CNTN5: variants seen among roughly 807,000 people sequenced by gnomAD.
CNTN5 encodes contactin-5.
In CNTN5, 77 loss-of-function variants were observed where a neutral mutation model predicts 129.1. That is an observed-to-expected ratio of 0.60 (90% CI 0.50 to 0.72). The LOEUF is 0.72. Ranked by LOEUF, CNTN5 falls within the 30% of genes least tolerant of loss-of-function variation. The pLI, the probability that CNTN5 is intolerant of heterozygous loss-of-function variation, is 0.00. For synonymous variants in CNTN5, 509 were observed against 465.6 expected (o/e 1.09, Z -1.20); for missense variants, 1,478 against 1,328.8 (o/e 1.11, Z -1.75).
At chr11:99,659,764 C>T (rs904318662) in intron 3 of CNTN5, among the ~76,000 whole-genome samples, 2 of 152,134 alleles carry the variant, frequency 1.3e-5, no homozygotes, top group Admixed American at 1.3e-4. Context: ...CAGTCAAAGT[C>T]TATGGATCCT....
At chr11:100,035,937 A>C (rs529410685) in intron 9 of CNTN5, among the ~76,000 whole-genome samples, 1 of 152,060 alleles carries the variant, frequency 6.6e-6, no homozygotes, top group African/African-American at 2.4e-5. Flanking sequence ...CTCTGATGGT[A>C]GTTTCTTTTG....
At chr11:99,793,625 G>A (rs1010307232) in intron 3 of CNTN5, among the ~76,000 whole-genome samples, 8 of 151,960 alleles carry the variant, frequency 5.3e-5, no homozygotes, top group Non-Finnish European at 1.2e-4. Flanking sequence ...GCTATATTTT[G>A]TTTTTCATTA....
chr11:99,074,939 G>T (rs903016587), intron 1 of CNTN5, among the ~76,000 whole-genome samples: 17 of 152,180 alleles, frequency 1.1e-4, no homozygotes, highest in African/African-American at 4.1e-4. Context: ...AAAACATGCC[G>T]CATTGAAAAA....
At chr11:100,275,928 A>G (rs1950500849) in intron 18 of CNTN5, among the ~76,000 whole-genome samples, 1 of 152,174 alleles carries the variant, frequency 6.6e-6, no homozygotes, top group Non-Finnish European at 1.5e-5. Context: ...AGAGACACCA[A>G]TGTCTGGAGA....
chr11:100,326,190 A>G (rs980008768), intron 21 of CNTN5, among the ~76,000 whole-genome samples: 1 of 152,190 alleles, frequency 6.6e-6, no homozygotes, highest in Non-Finnish European at 1.5e-5. Context: ...AAGTAAATCA[A>G]TAAGAAAATT....
At chr11:99,112,401 C>A (rs1038308274) in intron 1 of CNTN5, among the ~76,000 whole-genome samples, 8 of 151,774 alleles carry the variant, frequency 5.3e-5, no homozygotes, top group African/African-American at 2.4e-5. Flanking sequence ...ATAGAAAAGG[C>A]AGGACATTAA....
chr11:99,099,913 A>C (rs1866643696), intron 1 of CNTN5, among the ~76,000 whole-genome samples: 1 of 152,178 alleles, frequency 6.6e-6, no homozygotes, highest in South Asian at 2.1e-4. Context: ...CTGAACTCAA[A>C]GTACCTTTTC....
At chr11:100,180,862 A>T (rs1565319284) in intron 13 of CNTN5, among the ~76,000 whole-genome samples, 1 of 151,950 alleles carries the variant, frequency 6.6e-6, no homozygotes, top group Admixed American at 6.6e-5. Context: ...CAACATCATT[A>T]CAATCAGAAA....
intron 3 of CNTN5, among the ~76,000 whole-genome samples, chr11:99,712,548 T>C (rs1955036479): frequency 6.6e-6 from 1 of 152,142 alleles, no homozygotes; most frequent in African/African-American, 2.4e-5. Flanking sequence ...CATGAAGTCT[T>C]TGCCCATGCC....
chr11:99,589,729 T>C (rs752824784), intron 3 of CNTN5, among the ~76,000 whole-genome samples: 3 of 152,186 alleles, frequency 2.0e-5, no homozygotes, highest in Admixed American at 6.5e-5. Context: ...AACTTAAAAG[T>C]TAATGGCTAT....
chr11:99,352,568 T>A (rs1013214985), intron 2 of CNTN5, among the ~76,000 whole-genome samples: 4 of 152,120 alleles, frequency 2.6e-5, no homozygotes, highest in Non-Finnish European at 5.9e-5. Flanking sequence ...ATTCCTAAAG[T>A]TGAAACAATA....
intron 3 of CNTN5, among the ~76,000 whole-genome samples, chr11:99,744,921 G>T (rs1944005763): frequency 6.6e-6 from 1 of 152,046 alleles, no homozygotes; most frequent in Non-Finnish European, 1.5e-5. Context: ...AAAACTGTAA[G>T]GCAGGCGTTA....
chr11:100,289,289 G>A (rs1052196913), intron 18 of CNTN5, among the ~76,000 whole-genome samples: 26 of 152,142 alleles, frequency 1.7e-4, no homozygotes, highest in Admixed American at 9.2e-4. Context: ...TACCAAAGCC[G>A]GGCAGAGACA....
At chr11:99,408,491 A>AAAGAAAGAAAGG (rs1491020600) in intron 2 of CNTN5, among the ~76,000 whole-genome samples, 2 of 145,180 alleles carry the variant, frequency 1.4e-5, no homozygotes, top group African/African-American at 5.1e-5. Context: ...AGAAAGAAAG[A>AAAGAAAGAAAGG]AAGAAAGAAA....
At chr11:99,099,012 G>A (rs1340123838) in intron 1 of CNTN5, among the ~76,000 whole-genome samples, 2 of 152,112 alleles carry the variant, frequency 1.3e-5, no homozygotes, top group East Asian at 1.9e-4. Flanking sequence ...GGTCTAAGTT[G>A]TGCACTGTTA....
chr11:99,728,332 A>T lies in CNTN5; in HGVS notation c.56-91212A>T, dbSNP rs146183298. ...CTTAAGGCCTTGATATTAGAACTCA[A>T]ACCATGCAAATATTGCAACTCTGGT... On this transcript the variant is annotated intron_variant, in intron 3 of 24. Transcript: ENST00000524871. Among the ~76,000 whole-genome samples the T allele has an allele frequency of 2.5e-3, 377 of 152,296 alleles. 2 individuals carry two copies. The highest frequency in any genetic ancestry group is 7.7e-3 in the African/African-American group (322 of 41,566).
intron 8 of CNTN5, among the ~76,000 whole-genome samples, chr11:99,994,365 A>G (rs1939314228): frequency 6.6e-6 from 1 of 152,238 alleles, no homozygotes; most frequent in South Asian, 2.1e-4. Context: ...AAGAATTAAT[A>G]TAAAAGTGGG....
chr11:99,407,886 T>A (rs1422341854), intron 2 of CNTN5, among the ~76,000 whole-genome samples: 2 of 152,096 alleles, frequency 1.3e-5, no homozygotes, highest in East Asian at 1.9e-4. Context: ...TGACTCTCCA[T>A]CTCCATAGGG....
At chr11:100,273,389 G>A (rs933499323) in intron 18 of CNTN5, among the ~76,000 whole-genome samples, 3 of 152,050 alleles carry the variant, frequency 2.0e-5, no homozygotes, top group Non-Finnish European at 2.9e-5. Context: ...CCCTGACAGC[G>A]CCTGGTAGTA....
Sources: allele counts gnomAD v4.1 joint callset (sites outside exome capture counted in the v4.1 genomes callset), GRCh38; gene constraint gnomAD v4.1.1; transcripts MANE v1.5; gene names NCBI Gene and HGNC (gene_info 2026-07-23, HGNC 2026-07-21).